AFF3: variants seen among roughly 807,000 people sequenced by gnomAD.
The protein encoded by AFF3 is ALF transcription elongation factor 3, also known as AF4/FMR2 family member 3.
Under a neutral mutation model 129.7 loss-of-function variants are expected in AFF3, and 32 were observed. That is an observed-to-expected ratio of 0.25 (90% CI 0.19 to 0.33). The LOEUF (loss-of-function observed/expected upper bound fraction) is 0.33, where lower values mean the gene tolerates loss of function less well. AFF3 is among the 10% of genes least tolerant of loss of function. The pLI is 1.00. For synonymous variants in AFF3, 644 were observed against 635.4 expected, an observed-to-expected ratio of 1.01 and a Z score of -0.20; for missense variants, 1,373 against 1,592.0, an observed-to-expected ratio of 0.86 and a Z score of 2.34.
chr2:99,676,970 C>T (rs890095061), intron 11 of AFF3, among the ~76,000 whole-genome samples: 2 of 152,144 alleles, frequency 1.3e-5, no homozygotes, highest in South Asian at 2.1e-4. Context: ...AAAATAGGTA[C>T]TAAAATTGAA....
At chr2:99,702,716 A>T (rs913192020) in intron 11 of AFF3, among the ~76,000 whole-genome samples, 1 of 152,208 alleles carries the variant, frequency 6.6e-6, no homozygotes. Flanking sequence ...ATTCACTTCA[A>T]TGAAATGTCT....
At chr2:99,946,643 A>G (rs1675603369) in intron 7 of AFF3, among the ~76,000 whole-genome samples, 2 of 152,078 alleles carry the variant, frequency 1.3e-5, no homozygotes, top group Non-Finnish European at 1.5e-5. Context: ...AAAATATAGG[A>G]AAGAAAATTA....
At chr2:99,746,242 A>G (rs1320514828) in intron 9 of AFF3, among the ~76,000 whole-genome samples, 2 of 151,544 alleles carry the variant, frequency 1.3e-5, no homozygotes, top group Non-Finnish European at 2.9e-5. Context: ...TGGCACATGG[A>G]ACAAAAATCC....
At chr2:99,657,939 C>T (rs943058725) in intron 12 of AFF3, among the ~76,000 whole-genome samples, 4 of 152,158 alleles carry the variant, frequency 2.6e-5, no homozygotes, top group East Asian at 3.9e-4. Context: ...AAGTCAAATC[C>T]GAGAGGACTG....
chr2:99,594,409 T>A lies in AFF3; in HGVS notation c.1372-120A>T, dbSNP rs998101003. 4.9e-6 allele frequency: 7 copies of A among 1,418,750 alleles called. No individual in the cohort carries two copies. In the African/African-American group the frequency reaches 1.0e-4, roughly 20 times the overall value. 87.9% of individuals were successfully genotyped at this position (1,418,750 alleles called of 1,614,324 possible). A position where few individuals can be genotyped will look rare whatever the true frequency, so the allele number is the denominator to read the frequency against. ...GTATATGAGCAGAAAACGAATGGGC[T>A]GGAAGCAAAAGGAAAATGGAAGCAT... On this transcript the variant is annotated intron_variant, in intron 14 of 24. Coordinates refer to ENST00000672756, the MANE Select transcript of AFF3 (RefSeq NM_001386135.1).
intron 4 of AFF3, among the ~76,000 whole-genome samples, chr2:100,020,238 G>A (rs1310459992): frequency 6.6e-6 from 1 of 151,760 alleles, no homozygotes; most frequent in African/African-American, 2.4e-5. Context: ...TCCTTCCCTG[G>A]CCCTCTGGTA....
chr2:99,743,987 T>A lies in AFF3; in HGVS notation c.1039+117A>T, dbSNP rs529619319. 7 of 857,712 alleles carry A rather than the reference T, an allele frequency of 8.2e-6. No homozygotes were observed. In the African/African-American group the frequency reaches 8.7e-5, roughly 11 times the overall value. 53.1% of individuals were successfully genotyped at this position (857,712 alleles called of 1,614,324 possible). A position where few individuals can be genotyped will look rare whatever the true frequency, so the allele number is the denominator to read the frequency against. The stretch of plus-strand genomic sequence containing the variant: ...GAACAAATGGCCCCTTTCCCCAGTT[T>A]TTTAGTGAATTTCTTTGAAACCTAC... On this transcript the variant is annotated intron_variant, in intron 10 of 24. Transcript: ENST00000672756.
chr2:99,810,654 G>A (rs532084553), intron 8 of AFF3, among the ~76,000 whole-genome samples: 2 of 152,180 alleles, frequency 1.3e-5, no homozygotes, highest in African/African-American at 4.8e-5. Flanking sequence ...GTGTGTGTGT[G>A]TGTGTTGGCT....
chr2:100,125,788 C>A (rs771517421), intron 2 of AFF3, among the ~76,000 whole-genome samples: 7 of 151,976 alleles, frequency 4.6e-5, no homozygotes, highest in Non-Finnish European at 8.8e-5. Context: ...TGTGGAGACT[C>A]CAAGTGGAAG....
chr2:100,015,007 C>G (rs186461866), intron 4 of AFF3, among the ~76,000 whole-genome samples: 1 of 139,958 alleles, frequency 7.1e-6, no homozygotes, highest in East Asian at 2.1e-4. Context: ...GGTTTCAGGA[C>G]GTTAGCCAGG....
intron 8 of AFF3, among the ~76,000 whole-genome samples, chr2:99,778,116 GTC>G (rs1467523221): frequency 3.3e-5 from 5 of 152,126 alleles, no homozygotes; most frequent in Admixed American, 2.6e-4. Context: ...AGGCAGAGCA[GTC>G]TCTGAAGCAC....
intron 8 of AFF3, among the ~76,000 whole-genome samples, chr2:99,758,087 T>A (rs1294282027): frequency 1.3e-5 from 2 of 152,214 alleles, no homozygotes. Flanking sequence ...AATTGAACAT[T>A]CAGCAGTGAA....
intron 4 of AFF3, among the ~76,000 whole-genome samples, chr2:100,015,012 G>T (rs1181794319): frequency 7.0e-6 from 1 of 141,992 alleles, no homozygotes; most frequent in African/African-American, 2.7e-5. Context: ...CAGGACGTTA[G>T]CCAGGATGGT....
intron 4 of AFF3, among the ~76,000 whole-genome samples, chr2:100,045,681 C>T (rs2105091059): frequency 6.6e-6 from 1 of 151,980 alleles, no homozygotes; most frequent in East Asian, 1.9e-4. Flanking sequence ...CCCAACCCTT[C>T]TTCTTCCTCT....
intron 11 of AFF3, among the ~76,000 whole-genome samples, chr2:99,683,681 T>C (rs1236901392): frequency 6.6e-6 from 1 of 152,174 alleles, no homozygotes. Context: ...GCTCAAGTGA[T>C]CCACCTGCCT....
chr2:99,918,493 G>A (rs1032146467), intron 7 of AFF3, among the ~76,000 whole-genome samples: 4 of 152,166 alleles, frequency 2.6e-5, no homozygotes, highest in Admixed American at 6.5e-5. Context: ...TTCAGGTCCT[G>A]CCTTCCATAA....
At chr2:100,141,694 A>G (rs912316380) in intron 1 of AFF3, among the ~76,000 whole-genome samples, 1 of 152,216 alleles carries the variant, frequency 6.6e-6, no homozygotes, top group Non-Finnish European at 1.5e-5. Context: ...AGGAAATCAC[A>G]TATTAGGAAA....
intron 9 of AFF3, among the ~76,000 whole-genome samples, chr2:99,747,409 A>G (rs1425393140): frequency 1.3e-5 from 2 of 152,118 alleles, no homozygotes; most frequent in East Asian, 3.9e-4. Context: ...GGCTCACTGC[A>G]GCCTCAAACT....
At chr2:99,930,798 A>G (rs1346238060) in intron 7 of AFF3, among the ~76,000 whole-genome samples, 2 of 152,246 alleles carry the variant, frequency 1.3e-5, no homozygotes, top group Non-Finnish European at 2.9e-5. Flanking sequence ...GCTAGTCCCC[A>G]AACACAAGCT....
Sources: allele counts gnomAD v4.1 joint callset (sites outside exome capture counted in the v4.1 genomes callset), GRCh38; gene constraint gnomAD v4.1.1; transcripts MANE v1.5; gene names NCBI Gene and HGNC (gene_info 2026-07-23, HGNC 2026-07-21).